Variants in CKAP5 observed in about 807,000 individuals in gnomAD.
CKAP5 encodes the protein cytoskeleton associated protein 5, also known as cytoskeleton-associated protein 5.
CKAP5 carries 27 observed loss-of-function variants against 232.8 expected under a neutral mutation model. That is an observed-to-expected ratio of 0.12 (90% confidence interval 0.09 to 0.16). The LOEUF (loss-of-function observed/expected upper bound fraction) is 0.16, where lower values mean the gene tolerates loss of function less well. Among genes scored for constraint, CKAP5 ranks in the 10% least tolerant of loss-of-function variants. The pLI, the probability that CKAP5 is intolerant of heterozygous loss-of-function variation, is 1.00. For missense variants in CKAP5, 1,838 were observed against 2,424.7 expected (o/e 0.76, Z 5.08); for synonymous variants, 785 against 841.1 (o/e 0.93, Z 1.16).
chr11:46,749,119 A>G (rs901367161), intron 42 of CKAP5, among the ~76,000 whole-genome samples: 5 of 149,786 alleles, frequency 3.3e-5, no homozygotes, highest in Non-Finnish European at 4.4e-5. Flanking sequence ...GTGAGCCACC[A>G]TGCCTGGCCA....
intron 1 of CKAP5, among the ~76,000 whole-genome samples, chr11:46,823,392 G>GT (rs1310493756): frequency 4.0e-5 from 6 of 151,842 alleles, no homozygotes; most frequent in Middle Eastern, 3.4e-3. Context: ...TACGTATCCA[G>GT]TTTTTTTTCA....
chr11:46,753,156 G>A lies in CKAP5; in HGVS notation c.5057+154C>T, dbSNP rs560566891. 4 of 584,012 alleles carry A rather than the reference G, an allele frequency of 6.8e-6. No individual in the cohort carries two copies. The Admixed American group carries it at 1.0e-4, about 15-fold the overall frequency. The allele number at this position is 584,012 out of a possible 1,614,324, so 36.2% of individuals were successfully genotyped here. A position where few individuals can be genotyped will look rare whatever the true frequency, so the allele number is the denominator to read the frequency against. ...CACACTTAAAGTTTTAACTGATATAGTTATAACTGATGTAGCTATAACTTT... is the reference window on the plus strand; with the variant it reads ...CACACTTAAAGTTTTAACTGATATAATTATAACTGATGTAGCTATAACTTT... On this transcript the variant is annotated intron_variant, in intron 37 of 43. Transcript: ENST00000529230.
At chr11:46,793,583 C>T (rs1224663246) in intron 13 of CKAP5, among the ~76,000 whole-genome samples, 1 of 152,168 alleles carries the variant, frequency 6.6e-6, no homozygotes, top group Non-Finnish European at 1.5e-5. Flanking sequence ...AAGTGTGTTG[C>T]CACATTTTAT....
intron 1 of CKAP5, among the ~76,000 whole-genome samples, chr11:46,841,913 A>G (rs1940062549): frequency 6.7e-6 from 1 of 148,774 alleles, no homozygotes; most frequent in African/African-American, 2.5e-5. Context: ...CAGGAGAATC[A>G]CTTGAGCCTG....
At chr11:46,762,578 A>C in intron 31 of CKAP5, 49 bp downstream of exon 31, 6 of 1,603,396 alleles carry the variant, frequency 3.7e-6, no homozygotes, top group Non-Finnish European at 4.3e-6. Flanking sequence ...TTTCTTCTAT[A>C]GGCTACTGCT....
intron 13 of CKAP5, among the ~76,000 whole-genome samples, chr11:46,790,804 G>A (rs1938701269): frequency 6.6e-6 from 1 of 151,952 alleles, no homozygotes; most frequent in African/African-American, 2.4e-5. Flanking sequence ...GTGCTACCAT[G>A]CCTGGCTAAT....
intron 9 of CKAP5, among the ~76,000 whole-genome samples, chr11:46,799,267 G>A (rs80203738): frequency 0.013 from 1,999 of 152,026 alleles, 15 homozygotes; most frequent in Non-Finnish European, 0.021. Flanking sequence ...CCAGGCTGGG[G>A]AAGAAAATTT....
intron 17 of CKAP5, among the ~76,000 whole-genome samples, chr11:46,783,767 G>A (rs1314846102): frequency 2.6e-5 from 4 of 151,924 alleles, no homozygotes; most frequent in Admixed American, 6.6e-5. Flanking sequence ...GTACAGTGGC[G>A]TGATCTCGGC....
intron 28 of CKAP5, among the ~76,000 whole-genome samples, chr11:46,764,081 G>T (rs997626773): frequency 6.6e-6 from 1 of 151,966 alleles, no homozygotes; most frequent in Admixed American, 6.6e-5. Flanking sequence ...CAGGCAATTT[G>T]CCTGCCTTAG....
chr11:46,822,279 T>G (rs1939551899), intron 1 of CKAP5, among the ~76,000 whole-genome samples: 1 of 151,370 alleles, frequency 6.6e-6, no homozygotes, highest in African/African-American at 2.4e-5. Context: ...AGACCCTGTC[T>G]CAAAAAAACC....
intron 3 of CKAP5, among the ~76,000 whole-genome samples, chr11:46,817,709 C>T (rs1223987360): frequency 6.6e-6 from 1 of 151,732 alleles, no homozygotes; most frequent in East Asian, 1.9e-4. Flanking sequence ...TTCAATGACA[C>T]AGAGACTAGA....
intron 35 of CKAP5, among the ~76,000 whole-genome samples, chr11:46,757,527 ATTG>A (rs1051870711): frequency 2.6e-5 from 4 of 151,882 alleles, no homozygotes; most frequent in East Asian, 1.9e-4. Context: ...ATTTTGTCAC[ATTG>A]TTGTTGATTC....
Position 46,788,733 on chromosome 11 carries a change from G to A in CKAP5, c.1916C>T (p.Ala639Val). The A allele has an allele frequency of 1.2e-6, 2 of 1,607,782 alleles. No individual in the cohort carries two copies. Among genetic ancestry groups the A allele is most frequent in the Non-Finnish European group, 1.7e-6 (2 of 1,177,988 alleles). The change falls in exon 16 of 44, where the codon GCA (alanine) becomes GTA (valine). Residue 639 changes from alanine to valine, a missense_variant. By Grantham distance (64) the Ala-to-Val change is moderately conservative. Coordinates refer to ENST00000529230, the MANE Select transcript of CKAP5 (RefSeq NM_001008938.4). Reference sequence around the variant, plus strand: ...TTTCTTGGCTAGCATCCTCACTAATGCCTGGCATGGCATTTCAGTTCGGTC... The same window carrying A: ...TTTCTTGGCTAGCATCCTCACTAATACCTGGCATGGCATTTCAGTTCGGTC... ...LMDRTEMPCQ[A>V]LVRMLAKKPG...
At chr11:46,753,802 CA>C (rs920744200) in intron 36 of CKAP5, among the ~76,000 whole-genome samples, 2 of 151,574 alleles carry the variant, frequency 1.3e-5, no homozygotes, top group African/African-American at 2.4e-5. Context: ...CCGTGTTAGC[CA>C]GGATGGTCTC....
chr11:46,804,295 C>T (rs1400124897), intron 8 of CKAP5, among the ~76,000 whole-genome samples: 2 of 152,204 alleles, frequency 1.3e-5, no homozygotes, highest in Non-Finnish European at 2.9e-5. Flanking sequence ...CTCATTGACA[C>T]TCATTGTTTA....
intron 8 of CKAP5, among the ~76,000 whole-genome samples, chr11:46,803,356 C>G (rs183235603): frequency 7.9e-5 from 12 of 151,838 alleles, no homozygotes; most frequent in Non-Finnish European, 1.6e-4. Flanking sequence ...GCAACCTCCC[C>G]CTCCCAGGTT....
chr11:46,758,681 T>C (rs2065129630), intron 35 of CKAP5: 1 of 372,162 alleles, frequency 2.7e-6, no homozygotes, highest in African/African-American at 2.2e-5. Context: ...TACTCCAGCC[T>C]GGACAACATA....
intron 1 of CKAP5, among the ~76,000 whole-genome samples, chr11:46,831,376 C>G (rs952788615): frequency 6.6e-6 from 1 of 152,070 alleles, no homozygotes. Flanking sequence ...CCATAGGCTA[C>G]ACTTCACTCT....
At chr11:46,809,273 C>G (rs1235559639) in intron 7 of CKAP5, 127 bp downstream of exon 7, 1 of 626,988 alleles carries the variant, frequency 1.6e-6, no homozygotes, top group Non-Finnish European at 2.8e-6. Context: ...AAGCAACTAA[C>G]TCACTCTACT....
Sources: gnomAD v4.1 joint callset for allele counts (sites outside exome capture counted in the v4.1 genomes callset) on GRCh38, gnomAD v4.1.1 for gene constraint, MANE v1.5 for transcripts, NCBI Gene and HGNC (gene_info 2026-07-23, HGNC 2026-07-21) for gene names.